PTPRD: variants seen among roughly 807,000 people sequenced by gnomAD.
PTPRD encodes receptor-type tyrosine-protein phosphatase delta.
In PTPRD, 34 loss-of-function variants were observed where a neutral mutation model predicts 214.5. That is an observed-to-expected ratio of 0.16 (90% confidence interval 0.12 to 0.21). The LOEUF (loss-of-function observed/expected upper bound fraction) is 0.21. Among genes scored for constraint, PTPRD ranks in the 10% least tolerant of loss-of-function variants. The probability of loss-of-function intolerance (pLI) is 1.00; values close to 1 mark genes in which losing one functional copy is unlikely to be tolerated. For synonymous variants in PTPRD, 1,128 were observed against 845.7 expected (o/e 1.33, Z -5.79); for missense variants, 2,545 against 2,398.7 (o/e 1.06, Z -1.27).
intron 5 of PTPRD, among the ~76,000 whole-genome samples, chr9:9,846,640 T>A (rs1170608549): frequency 3.9e-5 from 6 of 152,132 alleles, no homozygotes; most frequent in Admixed American, 2.6e-4. Flanking sequence ...TCTGGTTTTG[T>A]ATTGTGAAGA....
intron 11 of PTPRD, among the ~76,000 whole-genome samples, chr9:8,847,097 T>C (rs555060631): frequency 8.5e-5 from 13 of 152,286 alleles, no homozygotes; most frequent in South Asian, 2.1e-4. Flanking sequence ...GTATCCTCGA[T>C]ATAATACAAG....
intron 11 of PTPRD, among the ~76,000 whole-genome samples, chr9:8,911,445 G>C (rs2098747949): frequency 6.7e-6 from 1 of 149,580 alleles, no homozygotes; most frequent in Admixed American, 6.6e-5. Context: ...GTGTGTGAGA[G>C]AGAGAGAGAG....
At chr9:9,120,159 C>T (rs1383034779) in intron 10 of PTPRD, among the ~76,000 whole-genome samples, 1 of 152,198 alleles carries the variant, frequency 6.6e-6, no homozygotes, top group Non-Finnish European at 1.5e-5. Context: ...ATTCACAGTG[C>T]ACATTGGCAT....
intron 8 of PTPRD, among the ~76,000 whole-genome samples, chr9:9,418,019 A>G (rs1472158994): frequency 1.3e-5 from 2 of 152,022 alleles, no homozygotes; most frequent in African/African-American, 4.8e-5. Context: ...CAAATTCTCT[A>G]AAAATTCGTT....
chr9:9,100,593 C>T (rs987692925), intron 10 of PTPRD, among the ~76,000 whole-genome samples: 2 of 151,910 alleles, frequency 1.3e-5, no homozygotes, highest in African/African-American at 2.4e-5. Context: ...TTTGTTTTTA[C>T]CAGAAAATGA....
At chr9:9,252,864 C>T (rs1171566270) in intron 9 of PTPRD, among the ~76,000 whole-genome samples, 15 of 152,020 alleles carry the variant, frequency 9.9e-5, no homozygotes, top group Non-Finnish European at 2.9e-5. Flanking sequence ...CAGCCAATCA[C>T]ACGCAAGAGT....
At chr9:8,414,961 GAGAGA>G (rs2093816800) in intron 35 of PTPRD, among the ~76,000 whole-genome samples, 1 of 148,988 alleles carries the variant, frequency 6.7e-6, no homozygotes. Context: ...GAGAGAGAGA[GAGAGA>G]GAGAGAGACA....
chr9:9,098,142 A>T (rs1346559540), intron 10 of PTPRD, among the ~76,000 whole-genome samples: 1 of 152,138 alleles, frequency 6.6e-6, no homozygotes, highest in Non-Finnish European at 1.5e-5. Flanking sequence ...ATCACCTCAA[A>T]TCACACACAT....
At chr9:8,728,387 G>A (rs568805016) in intron 12 of PTPRD, among the ~76,000 whole-genome samples, 35 of 152,260 alleles carry the variant, frequency 2.3e-4, no homozygotes, top group Middle Eastern at 3.4e-3. Flanking sequence ...TTGTGCAGAT[G>A]AGGTCTTGCT....
chr9:9,454,204 A>G (rs965167377), intron 8 of PTPRD, among the ~76,000 whole-genome samples: 2 of 151,770 alleles, frequency 1.3e-5, no homozygotes, highest in African/African-American at 2.4e-5. Context: ...GAGCTAACAA[A>G]GGTTTAAAAG....
chr9:9,210,020 G>C (rs1314819112), intron 9 of PTPRD, among the ~76,000 whole-genome samples: 1 of 152,116 alleles, frequency 6.6e-6, no homozygotes, highest in Non-Finnish European at 1.5e-5. Context: ...CCTAAGCTAA[G>C]GTAGCACAAA....
chr9:9,364,877 GTAGAAGGCCC>G (rs2057416379), intron 9 of PTPRD, among the ~76,000 whole-genome samples: 1 of 139,010 alleles, frequency 7.2e-6, no homozygotes, highest in Non-Finnish European at 1.5e-5. Context: ...AACAGATTAG[GTAGAAGGCCC>G]TTTCAATAAT....
intron 5 of PTPRD, among the ~76,000 whole-genome samples, chr9:9,819,274 G>C (rs75208457): frequency 6.6e-6 from 1 of 151,984 alleles, no homozygotes; most frequent in Non-Finnish European, 1.5e-5. Context: ...TCTCTATAAC[G>C]ATTTATTACA....
chr9:8,631,809 GA>G (rs369508582), intron 14 of PTPRD, among the ~76,000 whole-genome samples: 6 of 151,828 alleles, frequency 4.0e-5, no homozygotes, highest in African/African-American at 1.2e-4. Flanking sequence ...TTAGCAACTG[GA>G]AATTTCAATT....
intron 10 of PTPRD, among the ~76,000 whole-genome samples, chr9:9,146,718 A>T (rs758306526): frequency 5.9e-5 from 9 of 152,184 alleles, no homozygotes; most frequent in Non-Finnish European, 1.2e-4. Flanking sequence ...TGACATAAGT[A>T]AAAACAATAA....
At chr9:10,379,224 G>C (rs191124769) in intron 2 of PTPRD, among the ~76,000 whole-genome samples, 2 of 150,254 alleles carry the variant, frequency 1.3e-5, no homozygotes, top group East Asian at 3.9e-4. Context: ...TAAAGGATTT[G>C]TTTGTTAGTT....
chr9:8,558,444 G>C (rs1286890242), intron 14 of PTPRD, among the ~76,000 whole-genome samples: 1 of 152,088 alleles, frequency 6.6e-6, no homozygotes, highest in Non-Finnish European at 1.5e-5. Context: ...ACAGAGCCAT[G>C]CCACGTGCCA....
At chr9:9,771,457 A>T (rs561669457) in intron 5 of PTPRD, among the ~76,000 whole-genome samples, 1 of 152,344 alleles carries the variant, frequency 6.6e-6, no homozygotes, top group South Asian at 2.1e-4. Flanking sequence ...CACACATGAC[A>T]AGTTTATAAC....
intron 5 of PTPRD, among the ~76,000 whole-genome samples, chr9:9,892,262 A>T (rs1305044929): frequency 6.6e-6 from 1 of 152,122 alleles, no homozygotes; most frequent in Non-Finnish European, 1.5e-5. Context: ...AAATAGCCAG[A>T]TAAGGCCTTA....
Sources: gnomAD v4.1 joint callset for allele counts (sites outside exome capture counted in the v4.1 genomes callset) on GRCh38, gnomAD v4.1.1 for gene constraint, MANE v1.5 for transcripts, NCBI Gene and HGNC (gene_info 2026-07-23, HGNC 2026-07-21) for gene names.